TTN: variants seen among roughly 807,000 people sequenced by gnomAD.
The protein encoded by TTN is connectin.
In TTN, 1,525 loss-of-function variants were observed where a neutral mutation model predicts 3,223.0. That is an observed-to-expected ratio of 0.47 (90% CI 0.45 to 0.49). TTN has a LOEUF of 0.49. TTN is among the 20% of genes least tolerant of loss of function. The probability of loss-of-function intolerance (pLI) is 0.00; values close to 1 mark genes in which losing one functional copy is unlikely to be tolerated. For synonymous variants in TTN, 14,094 were observed against 15,161.0 expected, an observed-to-expected ratio of 0.93 and a Z score of 5.17; for missense variants, 40,786 against 43,424.0, an observed-to-expected ratio of 0.94 and a Z score of 5.40.
chr2:178,651,371 C>A, intron 207 of TTN, 51 bp from the exon 208 acceptor site: 1 of 1,603,858 alleles, frequency 6.2e-7, no homozygotes, highest in Non-Finnish European at 8.5e-7. Flanking sequence ...AGTAAACATT[C>A]ATCACATTTA....
chr2:178,621,650 G>A lies in TTN; in HGVS notation c.45174C>T (p.Gly15058=), dbSNP rs372609980. Residue 15058 remains glycine, a synonymous_variant, in exon 245 of 363, where the codon GGC becomes GGT. Transcript: ENST00000589042. Reference sequence around the variant, plus strand: ...CCCCTTTATACCAAATCACTTCTGCGCCAGGTTTGGAGACTTCACAAACCA... The same window carrying A: ...CCCCTTTATACCAAATCACTTCTGCACCAGGTTTGGAGACTTCACAAACCA... ...IKLVCEVSKP[G]AEVIWYKGDE... 238 of 1,612,158 alleles carry A rather than the reference G, an allele frequency of 1.5e-4. 2 individuals are homozygous for A. In the African/African-American group the frequency reaches 2.7e-3, roughly 19 times the overall value.
chr2:178,592,245 T>G lies in TTN; in HGVS notation c.59659A>C (p.Ser19887Arg), dbSNP rs748248730. 24 of 1,611,816 alleles carry G rather than the reference T, an allele frequency of 1.5e-5. No individual in the cohort carries two copies. Among genetic ancestry groups the G allele is most frequent in the Non-Finnish European group, 2.0e-5 (24 of 1,178,950 alleles). Residue 19887 changes from serine to arginine, a missense_variant, in exon 302 of 363, where the codon AGT (serine) becomes CGT (arginine). Physicochemically the swap from Ser to Arg is moderately radical, Grantham distance 110. Coordinates refer to ENST00000589042, the MANE Select transcript of TTN (RefSeq NM_001267550.2). ...KPGPPRDLEV[S>R]EIRKDSCYLT... Reference sequence around the variant, plus strand: ...TAACATGAATCTTTCCTAATTTCACTGACTTCCAGATCTCTAGGTGGCCCA... The same window carrying G: ...TAACATGAATCTTTCCTAATTTCACGGACTTCCAGATCTCTAGGTGGCCCA...
Position 178,575,589 on chromosome 2 carries a change from A to C in TTN, c.70543T>G (p.Tyr23515Asp). 6.2e-7 allele frequency: 1 copy of C among 1,613,586 alleles called. No homozygotes were observed. Among genetic ancestry groups the C allele is most frequent in the African/African-American group, 1.3e-5 (1 of 75,026 alleles). Residue 23515 changes from tyrosine to aspartate, a missense_variant, in exon 326 of 363, where the codon TAT becomes GAT. Transcript: ENST00000589042. The surrounding 1 kb of genome is among the most constrained non-coding windows in gnomAD (Gnocchi z 4.0). ...YFFRVMAENE[Y>D]GIGEPTETTE... is the part of the protein sequence containing the mutation. ...GTTTCTGTTGGCTCACCAATTCCAT[A>C]TTCATTCTCTGCCATCACTCTGAAG...
In TTN at chr2:178,634,020, G is replaced by A; in HGVS notation, c.42479C>T (p.Thr14160Ile). Residue 14160 changes from threonine (T) to isoleucine (I), a missense_variant, in exon 231 of 363, where the codon ACT (threonine) becomes ATT (isoleucine). Transcript: ENST00000589042. The surrounding 1 kb of genome is among the most constrained non-coding windows in gnomAD (Gnocchi z 4.6). The stretch of plus-strand genomic sequence containing the variant: ...TTCATGAGAAAGTTCACAAACAAAA[G>A]TTGCTGTTTCACCTTCTTTTACTGT... The part of the protein sequence containing the change: ...DQTVKEGETA[T>I]FVCELSHEKM... The A allele has an allele frequency of 6.2e-7, 1 of 1,613,210 alleles. No homozygotes were observed. The highest frequency in any genetic ancestry group is 8.5e-7 in the Non-Finnish European group (1 of 1,179,476).
rs56141309 is a variant in TTN at position 178,576,021 on chromosome 2, G to A, written c.70111C>T (p.Arg23371Cys). 3.1e-6 allele frequency: 5 copies of A among 1,612,816 alleles called. No individual in the cohort carries two copies. The highest frequency in any genetic ancestry group is 3.3e-5 in the Admixed American group (2 of 59,968). Residue 23371 changes from arginine (R) to cysteine (C), a missense_variant, in exon 326 of 363, where the codon CGT (arginine) becomes TGT (cysteine). Coordinates refer to ENST00000589042, the MANE Select transcript of TTN (RefSeq NM_001267550.2). This position sits in a 1 kb window ranked among gnomAD's most constrained non-coding sequence, Gnocchi z 4.3. ...GTCCATGTCACTTCAGGAGCAGGAC[G>A]ACCTTTAATTGGCACAAATATCCTA... ...SIRIFVPIKGRPAPEVTWTKD... is the reference protein window; with the variant it reads ...SIRIFVPIKGCPAPEVTWTKD...
At chr2:178,786,483 A>G (rs1285441975) in intron 13 of TTN, among the ~76,000 whole-genome samples, 2 of 152,192 alleles carry the variant, frequency 1.3e-5, no homozygotes, top group Non-Finnish European at 2.9e-5. Flanking sequence ...GAAAATCAGA[A>G]TTTTGGAGCT....
chr2:178,694,570 A>T, intron 117 of TTN, 29 bp downstream of exon 117: 4 of 1,526,770 alleles, frequency 2.6e-6, no homozygotes, highest in Non-Finnish European at 3.5e-6. Context: ...AAAATTTTGA[A>T]CTTGTAGCTG....
chr2:178,663,719 A>T lies in TTN; in HGVS notation c.36449-9T>A, dbSNP rs755846036. The T allele has an allele frequency of 5.6e-6, 9 of 1,612,758 alleles. No individual in the cohort carries two copies. The East Asian group carries it at 1.6e-4, about 28-fold the overall frequency. ...TTTGGGAGGCTCTGGTACTTAAAAGATATTAGCAAAATTACATTCAGAAGT... is the reference window on the plus strand; with the variant it reads ...TTTGGGAGGCTCTGGTACTTAAAAGTTATTAGCAAAATTACATTCAGAAGT... On this transcript the variant is annotated splice_polypyrimidine_tract_variant and intron_variant, in intron 170 of 362. Transcript: ENST00000589042.
In TTN at chr2:178,554,644, T is replaced by G; in HGVS notation, c.88703A>C (p.His29568Pro). ...PADDGGAKIT[H>P]YIVEKRETSR... Reference sequence around the variant, plus strand: ...TGTCTCACGCTTTTCCACAATGTAGTGAGTGATTTTTGCACCACCATCATC... The same window carrying G: ...TGTCTCACGCTTTTCCACAATGTAGGGAGTGATTTTTGCACCACCATCATC... The change falls in exon 332 of 363, where the codon CAC becomes CCC. Residue 29568 changes from histidine (H) to proline (P), a missense_variant. Coordinates refer to ENST00000589042, the MANE Select transcript of TTN (RefSeq NM_001267550.2). The G allele has an allele frequency of 6.2e-7, 1 of 1,613,872 alleles. No homozygotes were observed. The highest frequency in any genetic ancestry group is 8.5e-7 in the Non-Finnish European group (1 of 1,179,836).
chr2:178,617,319 A>G lies in TTN; in HGVS notation c.47760+6T>C, dbSNP rs771700988. The G allele has an allele frequency of 1.0e-5, 16 of 1,564,556 alleles. No homozygotes were observed. In the East Asian group the frequency reaches 3.7e-4, roughly 36 times the overall value. On this transcript the variant is annotated splice_donor_region_variant and intron_variant, in intron 254 of 362. Coordinates refer to ENST00000589042, the MANE Select transcript of TTN (RefSeq NM_001267550.2). ...GAATATTCTTTTTTATATGCAAATGACCTACCTTGTAAGTCAGTTCAGGGA... is the reference window on the plus strand; with the variant it reads ...GAATATTCTTTTTTATATGCAAATGGCCTACCTTGTAAGTCAGTTCAGGGA...
Position 178,590,246 on chromosome 2 carries a change from A to G in TTN, c.61479T>C (p.Thr20493=). The G allele has an allele frequency of 6.3e-7, 1 of 1,586,952 alleles. No individual in the cohort carries two copies. The highest frequency in any genetic ancestry group is 8.6e-7 in the Non-Finnish European group (1 of 1,166,676). ...CTTTGACTCGAGCTAGAATGCGGATAGTTTGGCCTACTCTCACGGTAATAA... is the reference window on the plus strand; with the variant it reads ...CTTTGACTCGAGCTAGAATGCGGATGGTTTGGCCTACTCTCACGGTAATAA... ...RDVITVRVGQ[T]IRILARVKGR... is the part of the protein sequence containing the mutation. The change falls in exon 304 of 363, where the codon ACT becomes ACC. Residue 20493 remains threonine (T), a synonymous_variant. Transcript: ENST00000589042.
rs773271774 is a variant in TTN at position 178,612,920 on chromosome 2, C to A, written c.49801G>T (p.Val16601Leu). The change falls in exon 265 of 363, where the codon GTG becomes TTG. Residue 16601 changes from valine to leucine, a missense_variant. Coordinates refer to ENST00000589042, the MANE Select transcript of TTN (RefSeq NM_001267550.2). ...LKTGTDEWVR[V>L]AEGVPTTQHL... ...TGAGTGGTGGGAACCCCTTCCGCCACTCTGACCCACTCATCTGTTCCAGTC... is the reference window on the plus strand; with the variant it reads ...TGAGTGGTGGGAACCCCTTCCGCCAATCTGACCCACTCATCTGTTCCAGTC... 4.6e-5 allele frequency: 74 copies of A among 1,612,592 alleles called. No individual in the cohort carries two copies. The Admixed American group carries it at 4.7e-4, about 10-fold the overall frequency.
At position 178,553,266 on chromosome 2, in the gene TTN, C is replaced by A. The variant is rs748356210; in HGVS notation, c.89634G>T (p.Lys29878Asn). ...PPTVTWRKDE[K>N]NLGSDARYSI... Reference sequence around the variant, plus strand: ...TGTATCTGGCATCACTGCCAAGATTCTTCTCATCTTTTCTCCATGTGACAG... The same window carrying A: ...TGTATCTGGCATCACTGCCAAGATTATTCTCATCTTTTCTCCATGTGACAG... The change falls in exon 335 of 363, where the codon AAG becomes AAT. Residue 29878 changes from lysine (K) to asparagine (N), a missense_variant. Physicochemically the swap from Lys to Asn is moderately conservative, Grantham distance 94. Transcript: ENST00000589042. The A allele has an allele frequency of 6.2e-7, 1 of 1,611,982 alleles. No homozygotes were observed. The highest frequency in any genetic ancestry group is 1.3e-5 in the African/African-American group (1 of 75,044).
Position 178,567,990 on chromosome 2 carries a change from T to A in TTN, c.78142A>T (p.Thr26048Ser). 2 of 1,613,472 alleles carry A rather than the reference T, an allele frequency of 1.2e-6. No homozygotes were observed. The highest frequency in any genetic ancestry group is 1.7e-6 in the Non-Finnish European group (2 of 1,179,594). ...TCAAGATTCTGTGCTTTGAATTGGG[T>A]GTCATGAATAATAGTTTTGTTGACC... ...TKVNKTIIHDTQFKAQNLEEG... is the reference protein window; with the variant it reads ...TKVNKTIIHDSQFKAQNLEEG... The change falls in exon 326 of 363, where the codon ACC (threonine) becomes TCC (serine). Residue 26048 changes from threonine to serine, a missense_variant. Transcript: ENST00000589042.
At chr2:178,734,261 T>G in intron 52 of TTN, 67 bp downstream of exon 52, 1 of 1,481,116 alleles carries the variant, frequency 6.8e-7, no homozygotes, top group Middle Eastern at 1.8e-4. Flanking sequence ...TACCAGTTTT[T>G]CTTCCATGGG....
intron 171 of TTN, 43 bp downstream of exon 171, chr2:178,663,584 A>G (rs756485583): frequency 6.2e-7 from 1 of 1,613,664 alleles, no homozygotes; most frequent in Admixed American, 1.7e-5. Context: ...TTTCCAGAGC[A>G]GAAGAGATAC....
rs794729454 is a variant in TTN at position 178,609,542 on chromosome 2, G to T, written c.51768C>A (p.Ser17256Arg). The T allele has an allele frequency of 1.2e-6, 2 of 1,610,204 alleles. No homozygotes were observed. The highest frequency in any genetic ancestry group is 2.7e-5 in the African/African-American group (2 of 74,810). ...TTTCATCACCTCGTTTCACTTCTAG[G>T]CTTGTTCTCAGAATGACTTTGGGGG... ...IDAPKVILRT[S>R]LEVKRGDEIA... Residue 17256 changes from serine to arginine, a missense_variant, in exon 273 of 363, where the codon AGC (serine) becomes AGA (arginine). By Grantham distance (110) the Ser-to-Arg change is moderately radical. Transcript: ENST00000589042.
chr2:178,757,638 C>A lies in TTN; in HGVS notation c.10582G>T (p.Asp3528Tyr). Residue 3528 changes from aspartate to tyrosine, a missense_variant, in exon 45 of 363, where the codon GAT becomes TAT. Physicochemically the swap from Asp to Tyr is radical, Grantham distance 160. Coordinates refer to ENST00000589042, the MANE Select transcript of TTN (RefSeq NM_001267550.2). ...STGMALMLIV[D>Y]AYSEHAGQYS... ...TGCCCAGCATGCTCTGAGTAAGCAT[C>A]AACTATAAGCATTAAAGCCATGCCT... 6.2e-7 allele frequency: 1 copy of A among 1,613,698 alleles called. No homozygotes were observed. The highest frequency in any genetic ancestry group is 8.5e-7 in the Non-Finnish European group (1 of 1,179,692).
rs759090194 is a variant in TTN, at chr2:178,664,051, C to A, written c.36328G>T (p.Val12110Leu). 1.2e-6 allele frequency: 2 copies of A among 1,613,216 alleles called. No individual in the cohort carries two copies. The highest frequency in any genetic ancestry group is 1.7e-6 in the Non-Finnish European group (2 of 1,179,752). ...GGGACTTCAGGCTTTTTAGGAGGCA[C>A]CACCGACACTTTCTTTTCAGGGATA... ...EIIPEKKVSVVPPKKPEVPPV... is the reference protein window; with the variant it reads ...EIIPEKKVSVLPPKKPEVPPV... The change falls in exon 169 of 363, where the codon GTG becomes TTG. Residue 12110 changes from valine to leucine, a missense_variant. By Grantham distance (32) the Val-to-Leu change is conservative. Coordinates refer to ENST00000589042, the MANE Select transcript of TTN (RefSeq NM_001267550.2).
Sources: gnomAD v4.1 joint callset for allele counts (sites outside exome capture counted in the v4.1 genomes callset) on GRCh38, gnomAD v4.1.1 for gene constraint, Gnocchi (gnomAD v3.1) non-coding constraint, MANE v1.5 for transcripts, NCBI Gene and HGNC (gene_info 2026-07-23, HGNC 2026-07-21) for gene names.